TMEM272: variants seen among roughly 807,000 people sequenced by gnomAD.
The protein encoded by TMEM272 is long intergenic non-protein coding RNA 282.
In TMEM272, 8 loss-of-function variants were observed where a neutral mutation model predicts 3.7. The ratio of observed to expected loss-of-function variants is 2.17; its 90% confidence interval spans 1.27 to 3.91. TMEM272 has a LOEUF of 3.91. TMEM272 is among the 30% of genes most tolerant of loss of function. The probability of loss-of-function intolerance (pLI) is 0.00; values close to 1 mark genes in which losing one functional copy is unlikely to be tolerated. For synonymous variants in TMEM272, 63 were observed against 39.8 expected (o/e 1.58, Z -2.20); for missense variants, 166 against 91.5 (o/e 1.81, Z -3.32).
chr13:51,833,597 G>A (rs2139574624), intron 2 of TMEM272, among the ~76,000 whole-genome samples: 1 of 152,282 alleles, frequency 6.6e-6, no homozygotes, highest in Middle Eastern at 3.4e-3. Context: ...AAGAATGGTG[G>A]AGGCACTGAC....
At chr13:51,898,886 C>T in the TMEM272 span, among the ~76,000 whole-genome samples, 10 of 152,118 alleles carry the variant, frequency 6.6e-5, no homozygotes, top group Admixed American at 3.9e-4. Flanking sequence ...TTGTACCTGC[C>T]TGTCATTCCT....
chr13:51,813,429 A>G lies in TMEM272; in HGVS notation c.*3322T>C. The G allele has an allele frequency of 2.5e-6, 1 of 395,486 alleles. No homozygotes were observed. Among genetic ancestry groups the G allele is most frequent in the East Asian group, 3.6e-5 (1 of 27,890 alleles). The allele number at this position is 395,486 out of a possible 1,614,324, so 24.5% of individuals were successfully genotyped here. Reference sequence around the variant, plus strand: ...CACAAGATTCAGTTACACAAAGATGAAAGCTATTGACCACTTGGCCACTTC... The same window carrying G: ...CACAAGATTCAGTTACACAAAGATGGAAGCTATTGACCACTTGGCCACTTC... On this transcript the variant is annotated 3_prime_UTR_variant, in exon 5 of 5. Coordinates refer to ENST00000629372, the MANE Select transcript of TMEM272 (RefSeq NM_001351003.2).
the TMEM272 span, among the ~76,000 whole-genome samples, chr13:51,920,182 C>T: frequency 1.6e-5 from 1 of 62,044 alleles, no homozygotes; most frequent in South Asian, 4.5e-4. Flanking sequence ...CTGTATTTTG[C>T]GCTGCTGCCT....
the TMEM272 span, among the ~76,000 whole-genome samples, chr13:51,906,672 C>T: frequency 6.6e-6 from 1 of 152,178 alleles, no homozygotes; most frequent in African/African-American, 2.4e-5. Flanking sequence ...CTGAGGCATT[C>T]AAACAGTTTG....
At chr13:51,838,657 TCA>T (rs1348530849) in intron 1 of TMEM272, 104 bp from the exon 2 acceptor site, 2 of 689,934 alleles carry the variant, frequency 2.9e-6, no homozygotes, top group Non-Finnish European at 5.3e-6. Context: ...CAGGGTGGTC[TCA>T]GTCAGCCCGG....
intron 2 of TMEM272, among the ~76,000 whole-genome samples, chr13:51,829,136 G>A (rs6561649): frequency 0.89 from 135,045 of 152,296 alleles, 59,953 homozygotes; most frequent in East Asian, 1. Flanking sequence ...AAATGTGTAT[G>A]AGAGCTATTA....
Position 51,838,500 on chromosome 13 carries a change from G to A in TMEM272, c.31C>T (p.Gln11Ter). The change falls in exon 2 of 5, where the codon CAG becomes TAG. Residue 11 changes from glutamine (Q) to a stop codon, truncating the protein, a stop_gained. Transcript: ENST00000629372. LOFTEE classifies it high-confidence loss of function. ...TTGCTGGCGATTTTAGAAATGCACT[G>A]ATGACACGTTTTCTCCAGACCTCCT... is the stretch of plus-strand genomic sequence containing the variant. MPGGLEKTCH[Q>*]CISKIASNAC... The A allele has an allele frequency of 2.8e-6, 2 of 703,042 alleles. No homozygotes were observed. Among genetic ancestry groups the A allele is most frequent in the East Asian group, 2.7e-5 (1 of 37,294 alleles). The allele number at this position is 703,042 out of a possible 1,614,324, so 43.6% of individuals were successfully genotyped here. A position where few individuals can be genotyped will look rare whatever the true frequency, so the allele number is the denominator to read the frequency against.
chr13:51,841,157 A>G (rs1400362937), intron 1 of TMEM272, among the ~76,000 whole-genome samples: 1 of 152,258 alleles, frequency 6.6e-6, no homozygotes, highest in Non-Finnish European at 1.5e-5. Flanking sequence ...GCCATGGCCC[A>G]TCACGGCTCC....
the TMEM272 span, among the ~76,000 whole-genome samples, chr13:51,913,678 T>C: frequency 1.3e-5 from 2 of 152,168 alleles, no homozygotes; most frequent in Admixed American, 6.5e-5. Context: ...GGGATGCTAA[T>C]GACCAGGAAG....
chr13:51,923,676 T>G, the TMEM272 span, among the ~76,000 whole-genome samples: 37 of 145,694 alleles, frequency 2.5e-4, no homozygotes, highest in Non-Finnish European at 4.1e-4. Flanking sequence ...AAAAGGAAGA[T>G]GAAGGAGAGA....
At chr13:51,886,453 AAAGT>A in the TMEM272 span, among the ~76,000 whole-genome samples, 1 of 152,216 alleles carries the variant, frequency 6.6e-6, no homozygotes. Context: ...AAAGATGAGA[AAAGT>A]AAGACACAGA....
chr13:51,916,272 T>C, the TMEM272 span, among the ~76,000 whole-genome samples: 1 of 152,176 alleles, frequency 6.6e-6, no homozygotes, highest in Admixed American at 6.5e-5. Flanking sequence ...TACAGAAGCC[T>C]TGAGGGAGAA....
chr13:51,900,537 C>T, the TMEM272 span, among the ~76,000 whole-genome samples: 1 of 152,168 alleles, frequency 6.6e-6, no homozygotes, highest in Non-Finnish European at 1.5e-5. Flanking sequence ...AAAGATGCAG[C>T]CCATGTGTCA....
At chr13:51,891,851 G>C in the TMEM272 span, among the ~76,000 whole-genome samples, 1 of 152,158 alleles carries the variant, frequency 6.6e-6, no homozygotes, top group East Asian at 1.9e-4. Context: ...TTTGCCCACT[G>C]GGCAGTGGGG....
chr13:51,823,224 A>G (rs1956094971), intron 3 of TMEM272, among the ~76,000 whole-genome samples: 1 of 152,220 alleles, frequency 6.6e-6, no homozygotes, highest in South Asian at 2.1e-4. Flanking sequence ...GATCACAGGG[A>G]TGTGCCACTA....
intron 2 of TMEM272, among the ~76,000 whole-genome samples, chr13:51,835,993 AGTCTAGGCT>A (rs1403098927): frequency 6.6e-6 from 1 of 152,220 alleles, no homozygotes; most frequent in African/African-American, 2.4e-5. Flanking sequence ...CTTTGGGTCC[AGTCTAGGCT>A]GAAGTATTGC....
chr13:51,906,266 G>T, the TMEM272 span, among the ~76,000 whole-genome samples: 3 of 152,322 alleles, frequency 2.0e-5, no homozygotes, highest in African/African-American at 7.2e-5. Flanking sequence ...CACACAGAAT[G>T]AGCAGTTATG....
chr13:51,832,326 G>A (rs1043050753), intron 2 of TMEM272, among the ~76,000 whole-genome samples: 9 of 152,176 alleles, frequency 5.9e-5, no homozygotes, highest in Admixed American at 1.3e-4. Context: ...GGAAAAGTGG[G>A]TAGCTTTTGG....
At chr13:51,910,013 T>TG in the TMEM272 span, 191 of 1,519,216 alleles carry the variant, frequency 1.3e-4, no homozygotes, top group African/African-American at 2.5e-3. Context: ...CTATCTCCAG[T>TG]TTTTCTTCAT....
Sources: allele counts gnomAD v4.1 joint callset (sites outside exome capture counted in the v4.1 genomes callset), GRCh38; gene constraint gnomAD v4.1.1; transcripts MANE v1.5; gene names NCBI Gene and HGNC (gene_info 2026-07-23, HGNC 2026-07-21).